The following DNER variants were observed in gnomAD, a reference collection of about 807,000 sequenced individuals.
DNER encodes delta/notch like EGF repeat containing.
In DNER, 33 loss-of-function variants were observed where a neutral mutation model predicts 78.2. That is an observed-to-expected ratio of 0.42 (90% CI 0.32 to 0.56). The LOEUF is 0.56. DNER is among the 20% of genes least tolerant of loss of function. The pLI is 0.11. For synonymous variants in DNER, 417 were observed against 384.8 expected (o/e 1.08, Z -0.98); for missense variants, 918 against 975.3 (o/e 0.94, Z 0.78).
chr2:229,577,922 CA>C (rs1432075032), intron 4 of DNER, among the ~76,000 whole-genome samples: 3 of 152,162 alleles, frequency 2.0e-5, no homozygotes, highest in African/African-American at 7.2e-5. Flanking sequence ...AGTGTCCTGC[CA>C]ACTATCTTAT....
intron 10 of DNER, among the ~76,000 whole-genome samples, chr2:229,391,707 A>G (rs1574821984): frequency 6.6e-6 from 1 of 152,036 alleles, no homozygotes; most frequent in East Asian, 1.9e-4. Flanking sequence ...ATGCCCAGTG[A>G]ATTTTTTGTA....
At chr2:229,572,617 G>T (rs1697235794) in intron 4 of DNER, among the ~76,000 whole-genome samples, 1 of 152,142 alleles carries the variant, frequency 6.6e-6, no homozygotes, top group Non-Finnish European at 1.5e-5. Context: ...AGAAAGGAAA[G>T]GAAAGCCTCA....
intron 8 of DNER, among the ~76,000 whole-genome samples, chr2:229,443,455 G>C: frequency 6.6e-6 from 1 of 152,156 alleles, no homozygotes; most frequent in Non-Finnish European, 1.5e-5. Context: ...ATTTTTAAGA[G>C]AACGGGTAGC....
chr2:229,712,606 AT>A, intron 1 of DNER, among the ~76,000 whole-genome samples: 1 of 152,346 alleles, frequency 6.6e-6, no homozygotes, highest in East Asian at 1.9e-4. Flanking sequence ...CATATAAATC[AT>A]CAATCCACAG....
intron 4 of DNER, among the ~76,000 whole-genome samples, chr2:229,570,655 C>T (rs540739736): frequency 4.7e-5 from 7 of 150,194 alleles, no homozygotes; most frequent in African/African-American, 1.7e-4. Flanking sequence ...GTGATACATT[C>T]TATGGGGGAA....
intron 7 of DNER, among the ~76,000 whole-genome samples, chr2:229,455,338 G>T (rs1314291861): frequency 6.6e-6 from 1 of 152,024 alleles, no homozygotes; most frequent in Non-Finnish European, 1.5e-5. Context: ...AATGGTGTTG[G>T]CTCCTACCAT....
intron 8 of DNER, among the ~76,000 whole-genome samples, chr2:229,440,416 C>T (rs991314435): frequency 7.2e-5 from 11 of 152,108 alleles, no homozygotes; most frequent in African/African-American, 9.7e-5. Flanking sequence ...CCCAGGATAC[C>T]GCCCTCACCC....
intron 3 of DNER, among the ~76,000 whole-genome samples, chr2:229,587,601 C>G (rs990154474): frequency 2.0e-5 from 3 of 152,238 alleles, no homozygotes; most frequent in Non-Finnish European, 2.9e-5. Context: ...GCCACGTGTT[C>G]CCAGTCTTCT....
At chr2:229,462,830 C>T (rs577041472) in intron 7 of DNER, among the ~76,000 whole-genome samples, 8 of 152,198 alleles carry the variant, frequency 5.3e-5, no homozygotes, top group African/African-American at 1.9e-4. Flanking sequence ...CACTGGCCTC[C>T]ATTCAGTTTC....
intron 5 of DNER, among the ~76,000 whole-genome samples, chr2:229,516,595 A>T (rs1049815099): frequency 6.6e-6 from 1 of 152,132 alleles, no homozygotes; most frequent in Non-Finnish European, 1.5e-5. Context: ...TTTCCTCAAC[A>T]GCTTGAAGTC....
intron 3 of DNER, 115 bp downstream of exon 3, chr2:229,588,279 C>G: frequency 2.3e-6 from 2 of 869,376 alleles, no homozygotes; most frequent in Non-Finnish European, 3.6e-6. Flanking sequence ...CCCGTGGAAT[C>G]TGTTCACGAT....
At chr2:229,543,475 G>T (rs1049683847) in intron 5 of DNER, among the ~76,000 whole-genome samples, 1 of 152,184 alleles carries the variant, frequency 6.6e-6, no homozygotes, top group African/African-American at 2.4e-5. Context: ...AGGGCCACCC[G>T]TAATAAAAGA....
chr2:229,713,978 G>C (rs1181369681), intron 1 of DNER, among the ~76,000 whole-genome samples, 170 bp downstream of exon 1: 1 of 152,146 alleles, frequency 6.6e-6, no homozygotes, highest in Non-Finnish European at 1.5e-5. Context: ...AATCAGGGTC[G>C]GCCCGGGGGT....
intron 5 of DNER, among the ~76,000 whole-genome samples, chr2:229,538,532 T>A (rs1469993308): frequency 6.6e-6 from 1 of 151,112 alleles, no homozygotes. Flanking sequence ...GCCCGGCTAA[T>A]TTTGTTTTTT....
chr2:229,466,829 G>A (rs908323907), intron 7 of DNER, among the ~76,000 whole-genome samples: 3 of 152,230 alleles, frequency 2.0e-5, no homozygotes, highest in South Asian at 2.1e-4. Context: ...TTACAAAAGC[G>A]AATACACAGT....
chr2:229,590,076 C>T lies in DNER; in HGVS notation c.585+1504G>A, dbSNP rs538695437. 7.3e-5 allele frequency among the ~76,000 whole-genome samples: 11 copies of T among 151,366 alleles called. No homozygotes were observed. In the East Asian group the frequency reaches 9.7e-4, roughly 13 times the overall value. ...TTTTTTTCATTTAAACGATGAAACC[C>T]GTAATAATAACATACCGACACAGGT... On this transcript the variant is annotated intron_variant, in intron 2 of 12. Coordinates refer to ENST00000341772, the MANE Select transcript of DNER (RefSeq NM_139072.4).
chr2:229,636,922 G>A (rs1254470945), intron 1 of DNER, among the ~76,000 whole-genome samples: 1 of 152,122 alleles, frequency 6.6e-6, no homozygotes, highest in Non-Finnish European at 1.5e-5. Context: ...AAGTTGCAGA[G>A]CTTTCTTTAA....
intron 3 of DNER, chr2:229,586,665 C>T (rs1318829544): frequency 7.1e-6 from 7 of 985,244 alleles, no homozygotes; most frequent in Admixed American, 6.2e-5. Flanking sequence ...TCAGCTACTA[C>T]GAGCTACCCC....
chr2:229,385,762 A>C (rs1692850762), intron 11 of DNER, among the ~76,000 whole-genome samples: 1 of 152,212 alleles, frequency 6.6e-6, no homozygotes, highest in African/African-American at 2.4e-5. Context: ...ACAACTTACA[A>C]GGGATGTTAA....
Sources: gnomAD v4.1 joint callset for allele counts (sites outside exome capture counted in the v4.1 genomes callset) on GRCh38, gnomAD v4.1.1 for gene constraint, MANE v1.5 for transcripts, NCBI Gene and HGNC (gene_info 2026-07-23, HGNC 2026-07-21) for gene names.